The following KAZN variants were observed in gnomAD, a reference collection of about 807,000 sequenced individuals.
KAZN encodes the protein kazrin, periplakin interacting protein, also known as kazrin.
In KAZN, 40 loss-of-function variants were observed where a neutral mutation model predicts 87.4. The ratio of observed to expected loss-of-function variants is 0.46; its 90% CI spans 0.36 to 0.60. The LOEUF (loss-of-function observed/expected upper bound fraction) is 0.60. KAZN is among the 20% of genes least tolerant of loss of function. KAZN has a pLI of 0.00. For missense variants in KAZN, 898 were observed against 1,073.9 expected, an observed-to-expected ratio of 0.84 and a Z score of 2.29; for synonymous variants, 466 against 458.3, an observed-to-expected ratio of 1.02 and a Z score of -0.22.
At chr1:14,584,591 T>C (rs1479855810) in intron 2 of KAZN, among the ~76,000 whole-genome samples, 2 of 152,182 alleles carry the variant, frequency 1.3e-5, no homozygotes, top group Non-Finnish European at 2.9e-5. Context: ...CTGTTCAAAA[T>C]TCATAGATTA....
intron 2 of KAZN, among the ~76,000 whole-genome samples, chr1:14,421,348 G>A (rs1437353120): frequency 6.6e-6 from 1 of 152,030 alleles, no homozygotes; most frequent in Admixed American, 6.5e-5. Context: ...CTTTTGGGAT[G>A]GGTTTTCTTG....
At chr1:14,139,321 C>T (rs915644248) in intron 1 of KAZN, among the ~76,000 whole-genome samples, 5 of 152,188 alleles carry the variant, frequency 3.3e-5, no homozygotes, top group East Asian at 3.9e-4. Flanking sequence ...GTCATCATTC[C>T]GGCAAAACCT....
chr1:14,911,059 C>T (rs777963541), intron 1 of KAZN, among the ~76,000 whole-genome samples: 5 of 152,194 alleles, frequency 3.3e-5, no homozygotes, highest in Non-Finnish European at 5.9e-5. Flanking sequence ...GCACCGTGAA[C>T]AAGCTCCATG....
At chr1:14,932,751 G>A (rs1438849901) in intron 1 of KAZN, among the ~76,000 whole-genome samples, 1 of 151,462 alleles carries the variant, frequency 6.6e-6, no homozygotes, top group African/African-American at 2.4e-5. Context: ...CCCAGAAACT[G>A]ACTCCAGGGT....
chr1:13,911,197 C>A (rs963142525), intron 1 of KAZN, among the ~76,000 whole-genome samples: 1 of 152,182 alleles, frequency 6.6e-6, no homozygotes, highest in Admixed American at 6.5e-5. Flanking sequence ...TACAGGTGCT[C>A]ACCACCACGC....
intron 2 of KAZN, among the ~76,000 whole-genome samples, chr1:14,331,388 C>T (rs1656849325): frequency 6.6e-6 from 1 of 152,150 alleles, no homozygotes; most frequent in African/African-American, 2.4e-5. Context: ...CTCATATGAG[C>T]AGGATAGTCT....
At chr1:14,347,126 C>A (rs938815016) in intron 2 of KAZN, among the ~76,000 whole-genome samples, 3 of 152,174 alleles carry the variant, frequency 2.0e-5, no homozygotes, top group African/African-American at 7.2e-5. Flanking sequence ...CGGGTGACAC[C>A]TTTGCTTTGG....
intron 1 of KAZN, among the ~76,000 whole-genome samples, chr1:14,759,679 G>T (rs1197832012): frequency 1.3e-5 from 2 of 152,140 alleles, no homozygotes; most frequent in African/African-American, 2.4e-5. Flanking sequence ...AGGAAGGAGG[G>T]GTTTGCTAGG....
chr1:14,827,720 C>G (rs1490261727), intron 1 of KAZN, among the ~76,000 whole-genome samples: 1 of 152,190 alleles, frequency 6.6e-6, no homozygotes, highest in Non-Finnish European at 1.5e-5. Flanking sequence ...GGCCTTTCTG[C>G]CAGCAAGCTT....
chr1:14,721,825 A>T (rs1204840854), intron 1 of KAZN, among the ~76,000 whole-genome samples: 1 of 152,190 alleles, frequency 6.6e-6, no homozygotes. Context: ...AAGTAGAAAT[A>T]CATATACTCT....
chr1:14,176,672 G>A (rs537204660), intron 1 of KAZN, among the ~76,000 whole-genome samples: 12 of 152,206 alleles, frequency 7.9e-5, no homozygotes, highest in South Asian at 4.2e-4. Context: ...TGTCATATCC[G>A]GTATTCTCCC....
chr1:14,177,188 C>T (rs1357296228), intron 1 of KAZN, among the ~76,000 whole-genome samples: 1 of 152,026 alleles, frequency 6.6e-6, no homozygotes, highest in Non-Finnish European at 1.5e-5. Context: ...TACATTGGCA[C>T]CTGCTTATTC....
intron 1 of KAZN, among the ~76,000 whole-genome samples, chr1:14,925,757 A>G (rs1488577239): frequency 6.6e-6 from 1 of 152,126 alleles, no homozygotes; most frequent in African/African-American, 2.4e-5. Flanking sequence ...GTTTTTGCCT[A>G]TGGTAGCCTC....
chr1:14,510,046 G>A (rs992875463), intron 2 of KAZN, among the ~76,000 whole-genome samples: 4 of 152,162 alleles, frequency 2.6e-5, no homozygotes, highest in African/African-American at 9.7e-5. Context: ...TAGAAAAGTA[G>A]GTGGTGCCAG....
At chr1:14,024,678 T>C (rs148840069) in intron 1 of KAZN, among the ~76,000 whole-genome samples, 1 of 152,254 alleles carries the variant, frequency 6.6e-6, no homozygotes, top group East Asian at 1.9e-4. Context: ...CAGATTCAGA[T>C]CCAAGCTGGT....
At chr1:14,969,300 T>G (rs1664775674) in intron 2 of KAZN, among the ~76,000 whole-genome samples, 1 of 152,266 alleles carries the variant, frequency 6.6e-6, no homozygotes, top group Non-Finnish European at 1.5e-5. Flanking sequence ...CACTCCATTC[T>G]TAGTCTCATT....
chr1:14,090,687 C>A (rs538895509), intron 1 of KAZN, among the ~76,000 whole-genome samples: 144 of 152,288 alleles, frequency 9.5e-4, no homozygotes, highest in African/African-American at 3.4e-3. Flanking sequence ...TGTTTCTACA[C>A]TGACTGGTGG....
At chr1:14,618,704 C>T (rs2148635519) in intron 1 of KAZN, among the ~76,000 whole-genome samples, 1 of 152,348 alleles carries the variant, frequency 6.6e-6, no homozygotes, top group East Asian at 1.9e-4. Flanking sequence ...CTCTGGCCCA[C>T]TGACCCCAAA....
At chr1:14,940,020 T>A (rs1660873015) in intron 1 of KAZN, among the ~76,000 whole-genome samples, 1 of 152,160 alleles carries the variant, frequency 6.6e-6, no homozygotes, top group African/African-American at 2.4e-5. Context: ...CCTGAAGCGC[T>A]TAAATGCCTG....
Sources: allele counts gnomAD v4.1 joint callset (sites outside exome capture counted in the v4.1 genomes callset), GRCh38; gene constraint gnomAD v4.1.1; transcripts MANE v1.5; gene names NCBI Gene and HGNC (gene_info 2026-07-23, HGNC 2026-07-21).